Variants in COIL observed in about 807,000 individuals in gnomAD.
COIL encodes the protein coilin, also known as coilin p80.
A neutral mutation model predicts 51.6 loss-of-function variants in COIL; 28 were observed. That is an observed-to-expected ratio of 0.54 (90% CI 0.40 to 0.74). The LOEUF (loss-of-function observed/expected upper bound fraction) is 0.74. Ranked by LOEUF, COIL falls within the 30% of genes least tolerant of loss-of-function variation. The pLI is 0.00. For synonymous variants in COIL, 233 were observed against 255.8 expected (o/e 0.91, Z 0.85); for missense variants, 667 against 685.9 (o/e 0.97, Z 0.31).
intron 1 of COIL, 21 bp downstream of exon 1, chr17:56,960,754 C>A: frequency 3.3e-6 from 5 of 1,527,020 alleles, no homozygotes; most frequent in Non-Finnish European, 4.4e-6. Flanking sequence ...ACCCGGCCGT[C>A]CCGCTCCCTG....
intron 1 of COIL, among the ~76,000 whole-genome samples, chr17:56,958,621 C>T (rs561063902): frequency 2.0e-4 from 30 of 151,812 alleles, no homozygotes; most frequent in Non-Finnish European, 3.5e-4. Flanking sequence ...GAATGTAATG[C>T]CCACATGATT....
At chr17:56,959,204 G>A (rs544912778) in intron 1 of COIL, among the ~76,000 whole-genome samples, 6 of 152,112 alleles carry the variant, frequency 3.9e-5, no homozygotes, top group African/African-American at 1.4e-4. Context: ...AATTAGCCAG[G>A]CGTGGTTGCC....
rs763475819 is a variant in COIL at position 56,960,957 on chromosome 17, C to A, written c.63G>T (p.Pro21=). ...LQFDYPPPAT[P]HCTAFWLLVD... ...CCAGAAGCCAGAAGGCCGTACAGTG[C>A]GGGGTAGCTGGCGGCGGGTAATCAA... Residue 21 remains proline, a synonymous_variant, in exon 1 of 7, where the codon CCG becomes CCT. Transcript: ENST00000240316. 1 of 1,614,132 alleles carries A rather than the reference C, an allele frequency of 6.2e-7. No homozygotes were observed. The highest frequency in any genetic ancestry group is 8.5e-7 in the Non-Finnish European group (1 of 1,180,014).
chr17:56,961,014 T>C lies in COIL; in HGVS notation c.6A>G (p.Ala2=). The change falls in exon 1 of 7, where the codon GCA becomes GCG. Residue 2 remains alanine, a synonymous_variant. Transcript: ENST00000240316. ...GCCGTAGCCTAACCGTCTCGGAAGC[T>C]GCCATCTTGCTTGGTGCTCAACGGA... The part of the protein sequence containing the change: M[A]ASETVRLRLQ... The C allele has an allele frequency of 1.2e-6, 2 of 1,612,696 alleles. No individual in the cohort carries two copies. The highest frequency in any genetic ancestry group is 1.1e-5 in the South Asian group (1 of 91,048).
chr17:56,949,701 C>A lies in COIL; in HGVS notation c.1420G>T (p.Gly474Ter). 6.2e-7 allele frequency: 1 copy of A among 1,613,960 alleles called. No individual in the cohort carries two copies. The highest frequency in any genetic ancestry group is 8.5e-7 in the Non-Finnish European group (1 of 1,179,864). Residue 474 changes from glycine to a stop codon, truncating the protein, a stop_gained, in exon 3 of 7, where the codon GGA becomes TGA. Transcript: ENST00000240316. LOFTEE classifies it high-confidence loss of function. ...LPLLAAAPQV[G>*]EKIAFKLLEL... ...TATACCTTAAATGCAATCTTTTCTC[C>A]AACTTGAGGGGCAGCTGCTAACAGT...
chr17:56,947,420 C>G (rs917296384), intron 4 of COIL, among the ~76,000 whole-genome samples: 16 of 152,154 alleles, frequency 1.1e-4, no homozygotes. Context: ...ATTTTGCCAA[C>G]TAAAGTAGGC....
intron 1 of COIL, among the ~76,000 whole-genome samples, chr17:56,958,265 G>A (rs1243293722): frequency 6.6e-6 from 1 of 152,172 alleles, no homozygotes; most frequent in African/African-American, 2.4e-5. Context: ...TATCACAGAA[G>A]GTAATATACA....
In COIL at chr17:56,946,933, GT is replaced by G. The variant is rs148463234; in HGVS notation, c.1489-423del. Among the ~76,000 whole-genome samples, 1,409 of 152,254 alleles carry G rather than the reference GT, an allele frequency of 9.3e-3. 7 individuals carry two copies. The highest frequency in any genetic ancestry group is 0.016 in the Non-Finnish European group (1,065 of 68,026). On this transcript the variant is annotated intron_variant, in intron 4 of 6. Coordinates refer to ENST00000240316, the MANE Select transcript of COIL (RefSeq NM_004645.3). ...GATATATCCTAATGGTGCAGCCTCG[GT>G]TCCTGATGCTTTTAGAACCCTTCTA...
In COIL at chr17:56,954,025, T is replaced by G. The variant is rs138443465; in HGVS notation, c.246-3029A>C. Reference sequence around the variant, plus strand: ...CAGATTTTTTTCTTGACATTTCTGATCAATTTGTTTTCACTTGTAGCAATG... The same window carrying G: ...CAGATTTTTTTCTTGACATTTCTGAGCAATTTGTTTTCACTTGTAGCAATG... On this transcript the variant is annotated intron_variant, in intron 1 of 6. Coordinates refer to ENST00000240316, the MANE Select transcript of COIL (RefSeq NM_004645.3). 7.8e-3 allele frequency among the ~76,000 whole-genome samples: 1,195 copies of G among 152,258 alleles called. 18 individuals are homozygous for G. The highest frequency in any genetic ancestry group is 0.027 in the African/African-American group (1,120 of 41,516).
chr17:56,960,338 A>G (rs1276518106), intron 1 of COIL, among the ~76,000 whole-genome samples: 1 of 150,246 alleles, frequency 6.7e-6, no homozygotes, highest in African/African-American at 2.5e-5. Flanking sequence ...ACCTTGACCA[A>G]TATGGTGAAA....
At position 56,960,799 on chromosome 17, in the gene COIL, A is replaced by G; in HGVS notation, c.221T>C (p.Leu74Pro). The change falls in exon 1 of 7, where the codon CTT (leucine) becomes CCT (proline). Residue 74 changes from leucine (L) to proline (P), a missense_variant. Leu to Pro is a moderately conservative substitution (Grantham distance 98). Coordinates refer to ENST00000240316, the MANE Select transcript of COIL (RefSeq NM_004645.3). ...GLLPPAESAR[L>P]VRDNDCLRVK... ...CCTGAGGCAGTCGTTGTCTCTCACA[A>G]GGCGCGCGCTCTCGGCGGGGGGCAA... 1 of 1,592,794 alleles carries G rather than the reference A, an allele frequency of 6.3e-7. No homozygotes were observed. Among genetic ancestry groups the G allele is most frequent in the East Asian group, 2.3e-5 (1 of 43,340 alleles).
At chr17:56,957,156 G>C (rs1910498888) in intron 1 of COIL, among the ~76,000 whole-genome samples, 1 of 151,860 alleles carries the variant, frequency 6.6e-6, no homozygotes. Flanking sequence ...GCTGAGGCAG[G>C]AGGAGCCCTT....
intron 5 of COIL, 44 bp downstream of exon 5, chr17:56,946,398 G>T: frequency 7.5e-7 from 1 of 1,341,454 alleles, no homozygotes; most frequent in Non-Finnish European, 1.1e-6. Flanking sequence ...ATAAACCACT[G>T]TAGATAGAGC....
At chr17:56,948,132 A>AT (rs11450212) in intron 4 of COIL, among the ~76,000 whole-genome samples, 98,200 of 123,792 alleles carry the variant, frequency 0.79, 39,587 homozygotes, top group East Asian at 0.97. Context: ...TTGAGGAAAG[A>AT]TTTTTTTTTT....
At position 56,960,794 on chromosome 17, in the gene COIL, T is replaced by G; in HGVS notation, c.226A>C (p.Arg76=). Residue 76 remains arginine (R), a synonymous_variant, in exon 1 of 7, where the codon AGA becomes CGA. Coordinates refer to ENST00000240316, the MANE Select transcript of COIL (RefSeq NM_004645.3). ...LPPAESARLV[R]DNDCLRVKLE... ...GCGCACCTGAGGCAGTCGTTGTCTCTCACAAGGCGCGCGCTCTCGGCGGGG... is the reference window on the plus strand; with the variant it reads ...GCGCACCTGAGGCAGTCGTTGTCTCGCACAAGGCGCGCGCTCTCGGCGGGG... 2 of 1,587,028 alleles carry G rather than the reference T, an allele frequency of 1.3e-6. No homozygotes were observed.
chr17:56,960,917 AT>A lies in COIL; in HGVS notation c.102del (p.Arg34SerfsTer24). ...CTAATGAGATCTGTGACGACTCGGC[AT>A]CTGTTCAAGTCGACCAGAAGCCAGA... is the stretch of plus-strand genomic sequence containing the variant. ...TAFWLLVDLNRCRVVTDLISL... is the reference protein window; with the variant it reads ...TAFWLLVDLNXCRVVTDLISL... On this transcript the variant is annotated frameshift_variant, in exon 1 of 7. Transcript: ENST00000240316. LOFTEE classifies it high-confidence loss of function. The A allele has an allele frequency of 6.2e-7, 1 of 1,614,168 alleles. No individual in the cohort carries two copies. The highest frequency in any genetic ancestry group is 1.1e-5 in the South Asian group (1 of 91,078).
chr17:56,954,550 A>G (rs1205665535), intron 1 of COIL, among the ~76,000 whole-genome samples: 1 of 150,362 alleles, frequency 6.7e-6, no homozygotes, highest in Admixed American at 6.7e-5. Context: ...ACAGATAGAG[A>G]CTCTGTCTCC....
chr17:56,957,078 T>A (rs1295896754), intron 1 of COIL, among the ~76,000 whole-genome samples: 2 of 152,036 alleles, frequency 1.3e-5, no homozygotes, highest in Non-Finnish European at 2.9e-5. Flanking sequence ...GAGACCAGCC[T>A]GGGCAACTTA....
Position 56,950,756 on chromosome 17 carries a change from GT to G in COIL, c.485del (p.Asn162ThrfsTer47), listed in dbSNP as rs769265872. On this transcript the variant is annotated frameshift_variant, in exon 2 of 7. Transcript: ENST00000240316. LOFTEE classifies it high-confidence loss of function. ...CACAGGTTGCTTTATTTTTTCTCTT[GT>G]TTTTTTTGCTGACAGTCTGATCTGT... ...AVTDQTVSKK[N>X]KRKNKATCGT... 1 of 1,609,654 alleles carries G rather than the reference GT, an allele frequency of 6.2e-7. No individual in the cohort carries two copies. The highest frequency in any genetic ancestry group is 8.5e-7 in the Non-Finnish European group (1 of 1,177,456).
Sources: gnomAD v4.1 joint callset for allele counts (sites outside exome capture counted in the v4.1 genomes callset) on GRCh38, gnomAD v4.1.1 for gene constraint, MANE v1.5 for transcripts, NCBI Gene and HGNC (gene_info 2026-07-23, HGNC 2026-07-21) for gene names.